Variants in ZDHHC14 observed in about 807,000 individuals in gnomAD.
The protein encoded by ZDHHC14 is zDHHC palmitoyltransferase 14, also known as palmitoyltransferase ZDHHC14.
In ZDHHC14, 16 loss-of-function variants were observed where a neutral mutation model predicts 47.7. That is an observed-to-expected ratio of 0.34 (90% CI 0.23 to 0.51). The LOEUF is 0.51. ZDHHC14 is among the 20% of genes least tolerant of loss of function. The pLI, the probability that ZDHHC14 is intolerant of heterozygous loss-of-function variation, is 0.97. For missense variants in ZDHHC14, 515 were observed against 662.5 expected (o/e 0.78, Z 2.44); for synonymous variants, 293 against 278.9 (o/e 1.05, Z -0.50).
At chr6:157,493,816 C>T (rs113842951) in intron 1 of ZDHHC14, among the ~76,000 whole-genome samples, 5 of 152,362 alleles carry the variant, frequency 3.3e-5, no homozygotes, top group African/African-American at 7.2e-5. Flanking sequence ...ACACAATCCC[C>T]GCCCTTGGCT....
intron 1 of ZDHHC14, among the ~76,000 whole-genome samples, chr6:157,439,456 G>A (rs570392110): frequency 2.6e-4 from 40 of 152,240 alleles, no homozygotes; most frequent in Non-Finnish European, 4.9e-4. Context: ...AAGCCACAAT[G>A]AGATACCATC....
intron 3 of ZDHHC14, among the ~76,000 whole-genome samples, chr6:157,611,164 T>C (rs1440926237): frequency 6.6e-6 from 1 of 152,086 alleles, no homozygotes; most frequent in Non-Finnish European, 1.5e-5. Flanking sequence ...CATGCCCAGC[T>C]AATTTTTGTA....
chr6:157,569,616 A>G (rs1431011062), intron 2 of ZDHHC14, among the ~76,000 whole-genome samples: 2 of 152,142 alleles, frequency 1.3e-5, no homozygotes, highest in Non-Finnish European at 2.9e-5. Context: ...AATCATATTG[A>G]GATTTCTATT....
At chr6:157,411,225 A>C (rs897822894) in intron 1 of ZDHHC14, among the ~76,000 whole-genome samples, 9 of 152,210 alleles carry the variant, frequency 5.9e-5, no homozygotes, top group Non-Finnish European at 1.0e-4. Context: ...TGAATGAAAA[A>C]AAGCCAATCT....
chr6:157,387,585 A>G (rs946550737), intron 1 of ZDHHC14, among the ~76,000 whole-genome samples: 2 of 152,240 alleles, frequency 1.3e-5, no homozygotes, highest in Non-Finnish European at 2.9e-5. Context: ...GACAGTGCCT[A>G]GGAACATAGT....
In ZDHHC14 at chr6:157,502,647, T is replaced by G. The variant is rs1780216684; in HGVS notation, c.246-39938T>G. Among the ~76,000 whole-genome samples, 1 of 152,198 alleles carries G rather than the reference T, an allele frequency of 6.6e-6. No individual in the cohort carries two copies. Among genetic ancestry groups the G allele is most frequent in the African/African-American group, 2.4e-5 (1 of 41,470 alleles). The stretch of plus-strand genomic sequence containing the variant: ...TGCCCACATGTGCTAGTAATGCTAC[T>G]CATGGCTCATAGTTTTTGTTGTGTT... On this transcript the variant is annotated intron_variant, in intron 1 of 8. Transcript: ENST00000359775. The surrounding 1 kb of genome is among the most constrained non-coding windows in gnomAD (Gnocchi z 4.0).
At chr6:157,382,445 G>C (rs1206556643) in intron 1 of ZDHHC14, among the ~76,000 whole-genome samples, 179 bp downstream of exon 1, 5 of 152,172 alleles carry the variant, frequency 3.3e-5, no homozygotes, top group African/African-American at 1.2e-4. Context: ...CCCCCGGAAA[G>C]AACGCCGTTC....
intron 3 of ZDHHC14, among the ~76,000 whole-genome samples, chr6:157,619,197 A>G (rs771297874): frequency 1.3e-5 from 2 of 151,526 alleles, no homozygotes; most frequent in Non-Finnish European, 2.9e-5. Flanking sequence ...CCTGGCCAAC[A>G]TGGTGAAACG....
intron 3 of ZDHHC14, among the ~76,000 whole-genome samples, chr6:157,600,853 G>T (rs1196401377): frequency 1.3e-5 from 2 of 152,216 alleles, no homozygotes; most frequent in Non-Finnish European, 2.9e-5. Context: ...AAGGGACTTT[G>T]TAGATGTCAT....
In ZDHHC14 at chr6:157,381,786, C is replaced by T. The variant is rs1369435670; in HGVS notation, c.-236C>T. The T allele has an allele frequency of 5.8e-5, 9 of 155,238 alleles. No homozygotes were observed. The highest frequency in any genetic ancestry group is 2.2e-4 in the African/African-American group (9 of 40,972). 9.6% of individuals were successfully genotyped at this position (155,238 alleles called of 1,614,324 possible). On this transcript the variant is annotated 5_prime_UTR_variant, in exon 1 of 9. Transcript: ENST00000359775. The stretch of plus-strand genomic sequence containing the variant: ...AGCGACGGAGGAGTGCTGCCGCGGG[C>T]TGCGGACCAGCGCCGTCCCCTCACG...
intron 1 of ZDHHC14, among the ~76,000 whole-genome samples, chr6:157,491,681 C>G (rs1313665006): frequency 6.6e-6 from 1 of 152,178 alleles, no homozygotes; most frequent in Non-Finnish European, 1.5e-5. Flanking sequence ...CTGGGAGTCC[C>G]CAGGCCTGGG....
chr6:157,645,658 G>T (rs17165463), intron 5 of ZDHHC14, 79 bp from the exon 6 acceptor site: 1 of 1,092,460 alleles, frequency 9.2e-7, no homozygotes, highest in Non-Finnish European at 1.4e-6. Flanking sequence ...GTGCCCGGGG[G>T]TGTTTCGGTT....
At chr6:157,627,334 A>G (rs1785476088) in intron 3 of ZDHHC14, among the ~76,000 whole-genome samples, 1 of 152,200 alleles carries the variant, frequency 6.6e-6, no homozygotes, top group Admixed American at 6.5e-5. Flanking sequence ...ATACAAGTTC[A>G]GCTTAGAAAA....
chr6:157,524,976 C>A (rs1035522422), intron 1 of ZDHHC14, among the ~76,000 whole-genome samples: 16 of 152,188 alleles, frequency 1.1e-4, no homozygotes, highest in African/African-American at 3.6e-4. Flanking sequence ...TTGGATGTGG[C>A]TTAGCTGTGT....
chr6:157,572,037 G>A (rs1783119216), intron 2 of ZDHHC14, among the ~76,000 whole-genome samples: 1 of 152,058 alleles, frequency 6.6e-6, no homozygotes, highest in South Asian at 2.1e-4. Context: ...GCTGGGAGGA[G>A]ACGCTGAGAT....
intron 2 of ZDHHC14, among the ~76,000 whole-genome samples, chr6:157,556,423 G>C (rs746516187): frequency 6.6e-6 from 1 of 152,204 alleles, no homozygotes; most frequent in African/African-American, 2.4e-5. Flanking sequence ...CGCAAAGGAC[G>C]AGTAACTCCC....
intron 1 of ZDHHC14, among the ~76,000 whole-genome samples, chr6:157,473,795 T>C (rs1779411980): frequency 6.6e-6 from 1 of 152,128 alleles, no homozygotes; most frequent in South Asian, 2.1e-4. Flanking sequence ...TTGTGTAAAA[T>C]TACTTTCAGG....
At chr6:157,543,348 GT>G (rs5881216) in intron 2 of ZDHHC14, among the ~76,000 whole-genome samples, 81,614 of 150,132 alleles carry the variant, frequency 0.54, 23,028 homozygotes, top group African/African-American at 0.72. Flanking sequence ...AACTTTTACA[GT>G]TTTTTTTTTT....
At chr6:157,468,397 G>A (rs1402427724) in intron 1 of ZDHHC14, among the ~76,000 whole-genome samples, 2 of 152,226 alleles carry the variant, frequency 1.3e-5, no homozygotes, top group African/African-American at 2.4e-5. Flanking sequence ...AGGGCTTCCA[G>A]TATAGAGGAC....
Sources: allele counts gnomAD v4.1 joint callset (sites outside exome capture counted in the v4.1 genomes callset), GRCh38; gene constraint gnomAD v4.1.1; non-coding constraint Gnocchi (gnomAD v3.1); transcripts MANE v1.5; gene names NCBI Gene and HGNC (gene_info 2026-07-23, HGNC 2026-07-21).